Variants in ARID4B observed in about 807,000 individuals in gnomAD.
The protein encoded by ARID4B is AT-rich interaction domain 4B, also known as AT-rich interactive domain-containing protein 4B.
In ARID4B, 26 loss-of-function variants were observed where a neutral mutation model predicts 147.5. The ratio of observed to expected loss-of-function variants is 0.18; its 90% CI spans 0.13 to 0.24. The LOEUF (loss-of-function observed/expected upper bound fraction) is 0.24, where lower values mean the gene tolerates loss of function less well. Among genes scored for constraint, ARID4B ranks in the 10% least tolerant of loss-of-function variants. The pLI, the probability that ARID4B is intolerant of heterozygous loss-of-function variation, is 1.00. For synonymous variants in ARID4B, 512 were observed against 507.9 expected, an observed-to-expected ratio of 1.01 and a Z score of -0.11; for missense variants, 1,179 against 1,511.5, an observed-to-expected ratio of 0.78 and a Z score of 3.65.
In ARID4B at chr1:235,304,531, T is replaced by C. The variant is rs1673410396; in HGVS notation, c.6+22383A>G. On this transcript the variant is annotated intron_variant, in intron 2 of 23. Coordinates refer to ENST00000264183, the MANE Select transcript of ARID4B (RefSeq NM_016374.6). ...AGCTGCCTACTTAAAAAGTGAACTG[T>C]ATCTTAGAGATTAAGACAGATTCAA... 2.0e-5 allele frequency among the ~76,000 whole-genome samples: 3 copies of C among 151,938 alleles called. 1 individual carries two copies. Among genetic ancestry groups the C allele is most frequent in the Middle Eastern group, 6.8e-3 (2 of 294 alleles).
At chr1:235,276,031 A>AG (rs767999237) in intron 2 of ARID4B, among the ~76,000 whole-genome samples, 3 of 152,020 alleles carry the variant, frequency 2.0e-5, no homozygotes, top group Non-Finnish European at 4.4e-5. Context: ...CTAGCTAGTG[A>AG]GGGGGCTGAG....
chr1:235,308,083 ATTTTT>A (rs368457519), intron 2 of ARID4B, among the ~76,000 whole-genome samples: 3 of 102,770 alleles, frequency 2.9e-5, no homozygotes, highest in Admixed American at 1.2e-4. Flanking sequence ...ATTTCTTCTA[ATTTTT>A]TTTTTTTTTT....
chr1:235,305,240 G>C (rs1181079273), intron 2 of ARID4B, among the ~76,000 whole-genome samples: 1 of 152,128 alleles, frequency 6.6e-6, no homozygotes, highest in Non-Finnish European at 1.5e-5. Context: ...AGGAAATACA[G>C]CCTCTAGAAG....
rs773596483 is a variant in ARID4B at position 235,223,353 on chromosome 1, T to TTA, written c.971-95_971-94dup. The TTA allele has an allele frequency of 7.2e-4, 184 of 256,836 alleles. No homozygotes were observed. In the East Asian group the frequency reaches 0.01, roughly 14 times the overall value. The allele number at this position is 256,836 out of a possible 1,614,324, so 15.9% of individuals were successfully genotyped here. A position where few individuals can be genotyped will look rare whatever the true frequency, so the allele number is the denominator to read the frequency against. ...AAATAATACAAGTATTTATAGTATTTTATATATATATACACGTATATATAT... is the reference window on the plus strand; with the variant it reads ...AAATAATACAAGTATTTATAGTATTTTATATATATATATACACGTATATATAT... On this transcript the variant is annotated intron_variant, in intron 12 of 23. Coordinates refer to ENST00000264183, the MANE Select transcript of ARID4B (RefSeq NM_016374.6).
At chr1:235,259,557 T>C (rs1044574645) in intron 3 of ARID4B, among the ~76,000 whole-genome samples, 5 of 152,308 alleles carry the variant, frequency 3.3e-5, no homozygotes, top group African/African-American at 9.6e-5. Flanking sequence ...CAAAAAACAG[T>C]GCTTGGGGAA....
intron 6 of ARID4B, among the ~76,000 whole-genome samples, chr1:235,247,850 T>C (rs1027432363): frequency 6.6e-6 from 1 of 151,838 alleles, no homozygotes. Flanking sequence ...TAGCCTGGCA[T>C]GGTGGTGGGT....
chr1:235,324,988 T>G (rs565134354), intron 2 of ARID4B, among the ~76,000 whole-genome samples: 1 of 152,266 alleles, frequency 6.6e-6, no homozygotes, highest in South Asian at 2.1e-4. Context: ...ACACTCAACA[T>G]TAAATAGATT....
At chr1:235,325,120 TTC>T (rs1354251251) in intron 2 of ARID4B, among the ~76,000 whole-genome samples, 5 of 152,162 alleles carry the variant, frequency 3.3e-5, no homozygotes, top group Non-Finnish European at 5.9e-5. Flanking sequence ...TACTAGCAAA[TTC>T]TCTGAGATTT....
chr1:235,296,863 G>A (rs1440592531), intron 2 of ARID4B, among the ~76,000 whole-genome samples: 2 of 138,144 alleles, frequency 1.4e-5, no homozygotes, highest in Non-Finnish European at 1.6e-5. Flanking sequence ...GGAAGGAAGG[G>A]AGAGAGTACT....
At chr1:235,246,749 AT>A (rs1238388715) in intron 6 of ARID4B, among the ~76,000 whole-genome samples, 1 of 152,180 alleles carries the variant, frequency 6.6e-6, no homozygotes, top group Non-Finnish European at 1.5e-5. Flanking sequence ...CTCTCTCTAG[AT>A]GATTCATTAC....
intron 2 of ARID4B, among the ~76,000 whole-genome samples, chr1:235,263,014 A>T (rs1365429764): frequency 6.6e-6 from 1 of 152,174 alleles, no homozygotes; most frequent in Non-Finnish European, 1.5e-5. Flanking sequence ...ATTTCAGTTC[A>T]CTTTGTGGTT....
At chr1:235,189,445 A>G (rs1353225874) in intron 19 of ARID4B, among the ~76,000 whole-genome samples, 1 of 151,600 alleles carries the variant, frequency 6.6e-6, no homozygotes, top group African/African-American at 2.4e-5. Flanking sequence ...CTTAAACATT[A>G]CAGCAAAAAG....
rs532224029 is a variant in ARID4B, at chr1:235,326,307, G to A, written c.6+607C>T. Among the ~76,000 whole-genome samples the A allele has an allele frequency of 6.6e-5, 10 of 152,176 alleles. No individual in the cohort carries two copies. The East Asian group carries it at 1.9e-3, about 29-fold the overall frequency. ...ACATCTAAGAGGAACCTGGCCATCA[G>A]TTTTCCACACATCATAATGCAACAG... On this transcript the variant is annotated intron_variant, in intron 2 of 23. Coordinates refer to ENST00000264183, the MANE Select transcript of ARID4B (RefSeq NM_016374.6).
At chr1:235,290,971 C>T (rs909326436) in intron 2 of ARID4B, among the ~76,000 whole-genome samples, 6 of 152,242 alleles carry the variant, frequency 3.9e-5, no homozygotes, top group Non-Finnish European at 5.9e-5. Flanking sequence ...TGGTAGCACA[C>T]ACCTGCAGTC....
intron 19 of ARID4B, among the ~76,000 whole-genome samples, chr1:235,189,722 AAC>A: frequency 6.7e-6 from 1 of 149,794 alleles, no homozygotes; most frequent in South Asian, 2.2e-4. Context: ...AACATAGTGA[AAC>A]ACAGTCTCAA....
intron 2 of ARID4B, among the ~76,000 whole-genome samples, chr1:235,323,037 C>T (rs1674955191): frequency 6.7e-6 from 1 of 149,600 alleles, no homozygotes; most frequent in African/African-American, 2.5e-5. Flanking sequence ...TAAATATAAC[C>T]ACCTTTTTTT....
intron 8 of ARID4B, among the ~76,000 whole-genome samples, chr1:235,238,005 C>T (rs1195527869): frequency 6.6e-6 from 1 of 151,718 alleles, no homozygotes; most frequent in African/African-American, 2.4e-5. Context: ...ACAAAATTAG[C>T]CGGGCATGGT....
chr1:235,301,144 C>G (rs1234298454), intron 2 of ARID4B, among the ~76,000 whole-genome samples: 3 of 151,002 alleles, frequency 2.0e-5, no homozygotes, highest in Non-Finnish European at 4.4e-5. Flanking sequence ...CCTCAGCCTC[C>G]CAAAGTGTTG....
At chr1:235,277,013 A>T (rs945348072) in intron 2 of ARID4B, among the ~76,000 whole-genome samples, 1 of 152,036 alleles carries the variant, frequency 6.6e-6, no homozygotes, top group Non-Finnish European at 1.5e-5. Flanking sequence ...AAAAAAAAAA[A>T]AAAGATATGT....
Sources: allele counts gnomAD v4.1 joint callset (sites outside exome capture counted in the v4.1 genomes callset), GRCh38; gene constraint gnomAD v4.1.1; transcripts MANE v1.5; gene names NCBI Gene and HGNC (gene_info 2026-07-23, HGNC 2026-07-21).